The following RUNDC3B variants were observed in gnomAD, a reference collection of about 807,000 sequenced individuals.
RUNDC3B encodes RUN domain-containing protein 3B.
A neutral mutation model predicts 58.4 loss-of-function variants in RUNDC3B; 33 were observed. That is an observed-to-expected ratio of 0.56 (90% CI 0.43 to 0.75). The LOEUF (loss-of-function observed/expected upper bound fraction) is 0.75. Ranked by LOEUF, RUNDC3B falls within the 30% of genes least tolerant of loss-of-function variation. The pLI is 0.00. For missense variants in RUNDC3B, 501 were observed against 535.7 expected, an observed-to-expected ratio of 0.94 and a Z score of 0.64; for synonymous variants, 193 against 195.2, an observed-to-expected ratio of 0.99 and a Z score of 0.10.
At chr7:87,813,106 T>C (rs1302505790) in intron 9 of RUNDC3B, among the ~76,000 whole-genome samples, 1 of 152,230 alleles carries the variant, frequency 6.6e-6, no homozygotes, top group African/African-American at 2.4e-5. Context: ...TACTTAATTT[T>C]GGGTTGTAAT....
intron 2 of RUNDC3B, among the ~76,000 whole-genome samples, chr7:87,688,643 G>T (rs140090462): frequency 2.0e-5 from 3 of 151,542 alleles, no homozygotes; most frequent in African/African-American, 7.3e-5. Context: ...TTGTTATTTT[G>T]TACTTATTTT....
chr7:87,793,115 T>G (rs1172953068), intron 8 of RUNDC3B, among the ~76,000 whole-genome samples: 1 of 152,108 alleles, frequency 6.6e-6, no homozygotes, highest in Non-Finnish European at 1.5e-5. Flanking sequence ...GATAAATTCC[T>G]AGTCACTTAC....
chr7:87,658,824 G>A (rs900529784), intron 2 of RUNDC3B, among the ~76,000 whole-genome samples: 3 of 152,142 alleles, frequency 2.0e-5, no homozygotes, highest in African/African-American at 7.2e-5. Context: ...CTAAGGAAAT[G>A]TGTTGCCGGC....
At chr7:87,693,687 C>T (rs1243222197) in intron 2 of RUNDC3B, among the ~76,000 whole-genome samples, 2 of 152,166 alleles carry the variant, frequency 1.3e-5, no homozygotes, top group Non-Finnish European at 2.9e-5. Context: ...ACACCTTAGC[C>T]TCTCCAATAC....
chr7:87,824,429 A>G (rs1837682310), intron 10 of RUNDC3B, among the ~76,000 whole-genome samples: 1 of 152,174 alleles, frequency 6.6e-6, no homozygotes, highest in Non-Finnish European at 1.5e-5. Flanking sequence ...ATTGTGAGGC[A>G]TCCCCAGTCA....
At chr7:87,734,017 T>A (rs1831770775) in intron 4 of RUNDC3B, among the ~76,000 whole-genome samples, 1 of 152,176 alleles carries the variant, frequency 6.6e-6, no homozygotes, top group Admixed American at 6.5e-5. Context: ...AAGGGGGGTA[T>A]ACAGATGGCT....
intron 4 of RUNDC3B, among the ~76,000 whole-genome samples, chr7:87,734,379 T>A (rs528026462): frequency 2.0e-5 from 3 of 152,160 alleles, no homozygotes; most frequent in Admixed American, 6.5e-5. Flanking sequence ...GGATGAACCT[T>A]GAAAACCTGC....
chr7:87,650,802 C>T lies in RUNDC3B; in HGVS notation c.123-20C>T. The T allele has an allele frequency of 6.8e-7, 1 of 1,480,060 alleles. No individual in the cohort carries two copies. The highest frequency in any genetic ancestry group is 2.3e-5 in the East Asian group (1 of 44,084). The allele number at this position is 1,480,060 out of a possible 1,614,324, so 91.7% of individuals were successfully genotyped here. A position where few individuals can be genotyped will look rare whatever the true frequency, so the allele number is the denominator to read the frequency against. On this transcript the variant is annotated intron_variant, in intron 1 of 10. Transcript: ENST00000394654. Reference sequence around the variant, plus strand: ...ATGAATCAACTCTGCCTAAAAGCAACAATAATCTTTTTTTCATAGGTTTTC... The same window carrying T: ...ATGAATCAACTCTGCCTAAAAGCAATAATAATCTTTTTTTCATAGGTTTTC...
At chr7:87,802,266 T>C (rs982300148) in intron 8 of RUNDC3B, among the ~76,000 whole-genome samples, 2 of 151,992 alleles carry the variant, frequency 1.3e-5, no homozygotes, top group East Asian at 3.9e-4. Flanking sequence ...GGTGGTTGCA[T>C]GCTTGTAGTC....
At chr7:87,679,358 G>C (rs1826696131) in intron 2 of RUNDC3B, among the ~76,000 whole-genome samples, 1 of 149,740 alleles carries the variant, frequency 6.7e-6, no homozygotes, top group African/African-American at 2.5e-5. Flanking sequence ...CTCCCAAAGT[G>C]CTGGGATTAC....
At chr7:87,791,467 T>G (rs1835518767) in intron 8 of RUNDC3B, among the ~76,000 whole-genome samples, 1 of 152,120 alleles carries the variant, frequency 6.6e-6, no homozygotes, top group African/African-American at 2.4e-5. Context: ...AAACCACTCT[T>G]AAGTAAAAAG....
At chr7:87,765,109 T>C (rs1176180476) in intron 6 of RUNDC3B, among the ~76,000 whole-genome samples, 1 of 151,956 alleles carries the variant, frequency 6.6e-6, no homozygotes, top group Admixed American at 6.6e-5. Flanking sequence ...AAATCTTTGA[T>C]AATCTTTTGT....
At chr7:87,802,339 G>A (rs1039553859) in intron 8 of RUNDC3B, among the ~76,000 whole-genome samples, 4 of 152,052 alleles carry the variant, frequency 2.6e-5, no homozygotes, top group African/African-American at 7.2e-5. Context: ...AGGCTGCAAC[G>A]AGCCATGATT....
chr7:87,719,088 A>G (rs1830718804), intron 4 of RUNDC3B, among the ~76,000 whole-genome samples: 1 of 152,102 alleles, frequency 6.6e-6, no homozygotes, highest in Non-Finnish European at 1.5e-5. Context: ...AACATAACAC[A>G]GGTAACACAG....
chr7:87,724,599 A>AAAT (rs1404424349), intron 4 of RUNDC3B, among the ~76,000 whole-genome samples: 1 of 152,088 alleles, frequency 6.6e-6, no homozygotes, highest in South Asian at 2.1e-4. Context: ...CTGTAATAGA[A>AAAT]AATAATAATA....
chr7:87,744,481 A>G (rs1456409250), intron 6 of RUNDC3B, among the ~76,000 whole-genome samples: 1 of 152,034 alleles, frequency 6.6e-6, no homozygotes, highest in African/African-American at 2.4e-5. Flanking sequence ...GTAATCTGTG[A>G]TTTCTTTCAG....
chr7:87,656,581 G>A (rs1000865584), intron 2 of RUNDC3B, among the ~76,000 whole-genome samples: 10 of 152,008 alleles, frequency 6.6e-5, no homozygotes, highest in African/African-American at 2.4e-4. Flanking sequence ...AGATAAAGGG[G>A]GAGGAGGAAA....
chr7:87,782,735 A>G (rs1835003052), intron 8 of RUNDC3B, among the ~76,000 whole-genome samples: 1 of 152,060 alleles, frequency 6.6e-6, no homozygotes, highest in Non-Finnish European at 1.5e-5. Context: ...AAAGTTATTC[A>G]GGTGTAAGTT....
intron 7 of RUNDC3B, among the ~76,000 whole-genome samples, chr7:87,771,074 G>C (rs1050775514): frequency 6.6e-6 from 1 of 152,116 alleles, no homozygotes; most frequent in Non-Finnish European, 1.5e-5. Context: ...GCCTAAGCAC[G>C]TACATCTGAT....
Sources: allele counts gnomAD v4.1 joint callset (sites outside exome capture counted in the v4.1 genomes callset), GRCh38; gene constraint gnomAD v4.1.1; transcripts MANE v1.5; gene names NCBI Gene and HGNC (gene_info 2026-07-23, HGNC 2026-07-21).